Variants in DACT2 observed in about 807,000 individuals in gnomAD.
DACT2 encodes dishevelled binding antagonist of beta catenin 2.
A neutral mutation model predicts 22.2 loss-of-function variants in DACT2; 20 were observed. That is an observed-to-expected ratio of 0.90 (90% CI 0.63 to 1.31). DACT2 has a LOEUF of 1.31. Ranked by LOEUF, DACT2 falls within the 50% of genes most tolerant of loss-of-function variation. The pLI is 0.00. For synonymous variants in DACT2, 463 were observed against 479.8 expected, an observed-to-expected ratio of 0.96 and a Z score of 0.46; for missense variants, 1,048 against 1,061.4, an observed-to-expected ratio of 0.99 and a Z score of 0.18.
At chr6:168,319,361 C>A in intron 1 of DACT2, 27 bp downstream of exon 1, 1 of 1,195,976 alleles carries the variant, frequency 8.4e-7, no homozygotes, top group Non-Finnish European at 1.0e-6. Context: ...CACCTCGCAG[C>A]CCCGAGTCCC....
At position 168,307,445 on chromosome 6, in the gene DACT2, A is replaced by G. The variant is rs1779238398; in HGVS notation, c.2312T>C (p.Met771Thr). 6.4e-7 allele frequency: 1 copy of G among 1,551,680 alleles called. No homozygotes were observed. The highest frequency in any genetic ancestry group is 1.4e-5 in the African/African-American group (1 of 73,156). The change falls in exon 4 of 4, where the codon ATG becomes ACG. Residue 771 changes from methionine to threonine, a missense_variant. Met to Thr is a moderately conservative substitution (Grantham distance 81). Transcript: ENST00000366795. This position sits in a 1 kb window ranked among gnomAD's most constrained non-coding sequence, Gnocchi z 5.3. ...AGTCACTGCACCTCACACCATGGTC[A>G]TGACCTTCAGGGCCGTCGGCTGGAA... ...RRFQPTALKV[M>T]TMV
At chr6:168,311,570 ACACACACACCCATC>A (rs1362537662) in intron 1 of DACT2, among the ~76,000 whole-genome samples, 3 of 134,414 alleles carry the variant, frequency 2.2e-5, no homozygotes, top group Admixed American at 7.0e-5. Flanking sequence ...TCACACACAA[ACACACACACCCATC>A]CACACACACA....
In DACT2 at chr6:168,295,127, G is replaced by A. The variant is rs542492585; in HGVS notation, c.659-423C>T. Among the ~76,000 whole-genome samples the A allele has an allele frequency of 1.1e-4, 17 of 152,292 alleles. No homozygotes were observed. In the South Asian group the frequency reaches 1.2e-3, roughly 11 times the overall value. ...CACTCCAACTGTTCTCCTGAGCCGC[G>A]TGGGCAGCTGAGTGACAAGGCCCTC... On this transcript the variant is annotated intron_variant, in intron 3 of 5. Transcript: ENST00000366796.
At chr6:168,297,319 G>A (rs553679407) in intron 3 of DACT2, among the ~76,000 whole-genome samples, 8 of 152,312 alleles carry the variant, frequency 5.3e-5, no homozygotes, top group Non-Finnish European at 8.8e-5. Context: ...CAACTGACCC[G>A]AGAGGGGAAA....
rs185379026 is a variant in DACT2, at chr6:168,311,419, G to C, written c.247-135C>G. On this transcript the variant is annotated intron_variant, in intron 1 of 3. Coordinates refer to ENST00000366795, the MANE Select transcript of DACT2 (RefSeq NM_214462.5). ...CACGCGAAATACATCTTCTAAATCC[G>C]GCAGCTGCCCCTGCTCACTCTGAAG... The C allele has an allele frequency of 6.4e-4, 760 of 1,187,728 alleles. 9 individuals are homozygous for C. The highest frequency in any genetic ancestry group is 6.0e-3 in the South Asian group (346 of 57,476). 73.6% of individuals were successfully genotyped at this position (1,187,728 alleles called of 1,614,324 possible).
At chr6:168,309,738 A>T (rs944259479) in intron 3 of DACT2, among the ~76,000 whole-genome samples, 11 of 152,338 alleles carry the variant, frequency 7.2e-5, no homozygotes, top group Admixed American at 2.6e-4. Flanking sequence ...ATTAGAAATA[A>T]AACAAGGCCA....
chr6:168,314,038 G>A (rs939320181), intron 1 of DACT2, among the ~76,000 whole-genome samples: 1 of 151,972 alleles, frequency 6.6e-6, no homozygotes, highest in Non-Finnish European at 1.5e-5. Flanking sequence ...CCGCTGTCCC[G>A]AACTTGGGGT....
rs1388826358 is a variant in DACT2 at position 168,307,808 on chromosome 6, A to T, written c.1949T>A (p.Leu650Gln). Reference sequence around the variant, plus strand: ...CCTGGTGTAGGCGTCCTGGCGGACCAGTGAGGGACGGCCCCGGGCCAGTGG... The same window carrying T: ...CCTGGTGTAGGCGTCCTGGCGGACCTGTGAGGGACGGCCCCGGGCCAGTGG... The part of the protein sequence containing the change: ...GGPLARGRPS[L>Q]VRQDAYTRSD... The change falls in exon 4 of 4, where the codon CTG becomes CAG. Residue 650 changes from leucine (L) to glutamine (Q), a missense_variant. Coordinates refer to ENST00000366795, the MANE Select transcript of DACT2 (RefSeq NM_214462.5). The surrounding 1 kb of genome is among the most constrained non-coding windows in gnomAD (Gnocchi z 5.3). 6.5e-7 allele frequency: 1 copy of T among 1,540,764 alleles called. No individual in the cohort carries two copies. Among genetic ancestry groups the T allele is most frequent in the African/African-American group, 1.4e-5 (1 of 72,878 alleles).
In DACT2 at chr6:168,309,021, A is replaced by C. The variant is rs866127994; in HGVS notation, c.736T>G (p.Cys246Gly). 1 of 1,547,344 alleles carries C rather than the reference A, an allele frequency of 6.5e-7. No individual in the cohort carries two copies. Among genetic ancestry groups the C allele is most frequent in the Non-Finnish European group, 8.7e-7 (1 of 1,146,892 alleles). ...SADAELLGLL[C>G]QGVDIPLHVP... is the part of the protein sequence containing the mutation. ...TGCAGCGGGATATCCACCCCCTGGCAGAGGAGCCCGAGGAGCTCGGCGTCC... is the reference window on the plus strand; with the variant it reads ...TGCAGCGGGATATCCACCCCCTGGCCGAGGAGCCCGAGGAGCTCGGCGTCC... The change falls in exon 4 of 4, where the codon TGC becomes GGC. Residue 246 changes from cysteine to glycine, a missense_variant. Physicochemically the swap from Cys to Gly is radical, Grantham distance 159. Transcript: ENST00000366795.
In DACT2 at chr6:168,319,556, G is replaced by T. The variant is rs948540292; in HGVS notation, c.78C>A (p.Phe26Leu). 20 of 1,377,586 alleles carry T rather than the reference G, an allele frequency of 1.5e-5. No homozygotes were observed. Among genetic ancestry groups the T allele is most frequent in the African/African-American group, 3.0e-5 (2 of 66,722 alleles). 85.3% of individuals were successfully genotyped at this position (1,377,586 alleles called of 1,614,324 possible). The change falls in exon 1 of 4, where the codon TTC becomes TTA. Residue 26 changes from phenylalanine (F) to leucine (L), a missense_variant. Coordinates refer to ENST00000366795, the MANE Select transcript of DACT2 (RefSeq NM_214462.5). ...GCCCCTGCAGCTCCTGCAGCCCCGC[G>T]AACGCCGCGCGCAACCTCGCGCCCA... The part of the protein sequence containing the change: ...RRLGARLRAA[F>L]AGLQELQGLR...
At chr6:168,310,856 G>A (rs945871877) in intron 2 of DACT2, among the ~76,000 whole-genome samples, 1 of 152,132 alleles carries the variant, frequency 6.6e-6, no homozygotes, top group African/African-American at 2.4e-5. Context: ...GACCAGTCTG[G>A]GGAGGTGCTT....
At chr6:168,311,595 CA>C (rs1562498569) in intron 1 of DACT2, among the ~76,000 whole-genome samples, 1 of 93,606 alleles carries the variant, frequency 1.1e-5, no homozygotes, top group African/African-American at 3.7e-5. Flanking sequence ...CACACACACA[CA>C]TACACACACA....
intron 3 of DACT2, chr6:168,294,854 T>G (rs1348721713): frequency 2.6e-6 from 1 of 383,528 alleles, no homozygotes; most frequent in Non-Finnish European, 4.6e-6. Flanking sequence ...ACAGAATTCA[T>G]GCCCACAATT....
chr6:168,312,440 G>A (rs1030544898), intron 1 of DACT2, among the ~76,000 whole-genome samples: 1 of 152,192 alleles, frequency 6.6e-6, no homozygotes, highest in Admixed American at 6.5e-5. Context: ...TAAGTGATCT[G>A]CCTTCTTTGG....
chr6:168,311,512 A>ACCCATC (rs1779398579), intron 1 of DACT2, among the ~76,000 whole-genome samples: 1 of 142,584 alleles, frequency 7.0e-6, no homozygotes, highest in African/African-American at 2.8e-5. Context: ...ACACACATAC[A>ACCCATC]CACACACAAA....
chr6:168,306,675 C>T (rs1373531538), downstream of DACT2, among the ~76,000 whole-genome samples: 1 of 150,614 alleles, frequency 6.6e-6, no homozygotes, highest in Non-Finnish European at 1.5e-5. Context: ...TGGTCTTGAT[C>T]TTCTGACTTT....
At position 168,311,258 on chromosome 6, in the gene DACT2, G is replaced by A; in HGVS notation, c.273C>T (p.Gly91=). The change falls in exon 2 of 4, where the codon GGC becomes GGT. Residue 91 remains glycine, a synonymous_variant. Coordinates refer to ENST00000366795, the MANE Select transcript of DACT2 (RefSeq NM_214462.5). ...QLSRLRQQDI[G]LKTHLDQLDL... is the part of the protein sequence containing the mutation. ...CCAGCTGGTCCAGGTGGGTCTTCAG[G>A]CCGATGTCCTGTTGTCTCAGCCGGG... The A allele has an allele frequency of 3.2e-6, 5 of 1,550,330 alleles. No homozygotes were observed. The highest frequency in any genetic ancestry group is 4.4e-6 in the Non-Finnish European group (5 of 1,145,672).
chr6:168,308,247 T>C lies in DACT2; in HGVS notation c.1510A>G (p.Met504Val), dbSNP rs1779280923. The change falls in exon 4 of 4, where the codon ATG becomes GTG. Residue 504 changes from methionine to valine, a missense_variant. Met to Val is a conservative substitution (Grantham distance 21). Coordinates refer to ENST00000366795, the MANE Select transcript of DACT2 (RefSeq NM_214462.5). ...SKAEKIKRSP[M>V]DKVLRFARQP... ...CTTGCAAACCTCAGCACCTTGTCCATGGGACTTCTCTTGATTTTTTCAGCC... is the reference window on the plus strand; with the variant it reads ...CTTGCAAACCTCAGCACCTTGTCCACGGGACTTCTCTTGATTTTTTCAGCC... 1 of 1,552,046 alleles carries C rather than the reference T, an allele frequency of 6.4e-7. No individual in the cohort carries two copies. The highest frequency in any genetic ancestry group is 8.7e-7 in the Non-Finnish European group (1 of 1,147,092).
rs200085459 is a variant in DACT2, at chr6:168,308,006, C to T, written c.1751G>A (p.Arg584Gln). 6.1e-4 allele frequency: 945 copies of T among 1,550,626 alleles called. 11 individuals carry two copies. The highest frequency in any genetic ancestry group is 2.5e-4 in the African/African-American group (18 of 73,044). Residue 584 changes from arginine (R) to glutamine (Q), a missense_variant, in exon 4 of 4, where the codon CGG (arginine) becomes CAG (glutamine). Coordinates refer to ENST00000366795, the MANE Select transcript of DACT2 (RefSeq NM_214462.5). Reference protein sequence around the residue: ...PLAVAPQESHRTSAQALFPFE... With the variant: ...PLAVAPQESHQTSAQALFPFE... ...GGGGAACAGGGCTTGGGCTGAGGTCCGGTGGCTCTCCTGCGGGGCCACTGC... is the reference window on the plus strand; with the variant it reads ...GGGGAACAGGGCTTGGGCTGAGGTCTGGTGGCTCTCCTGCGGGGCCACTGC...
Sources: gnomAD v4.1 joint callset for allele counts (sites outside exome capture counted in the v4.1 genomes callset) on GRCh38, gnomAD v4.1.1 for gene constraint, Gnocchi (gnomAD v3.1) non-coding constraint, MANE v1.5 for transcripts, NCBI Gene and HGNC (gene_info 2026-07-23, HGNC 2026-07-21) for gene names.